Variants in TERF2IP observed in about 807,000 individuals in gnomAD.
TERF2IP encodes telomeric repeat-binding factor 2-interacting protein 1.
A neutral mutation model predicts 33.3 loss-of-function variants in TERF2IP; 35 were observed. The ratio of observed to expected loss-of-function variants is 1.05; its 90% CI spans 0.80 to 1.39. The LOEUF (loss-of-function observed/expected upper bound fraction) is 1.39, where lower values mean the gene tolerates loss of function less well. Among genes scored for constraint, TERF2IP ranks in the 40% most tolerant of loss-of-function variants. The pLI is 0.00. For synonymous variants in TERF2IP, 253 were observed against 223.2 expected (o/e 1.13, Z -1.19); for missense variants, 583 against 524.8 (o/e 1.11, Z -1.08).
chr16:75,648,447 C>G lies in TERF2IP; in HGVS notation c.565C>G (p.Arg189Gly). 2 of 1,601,426 alleles carry G rather than the reference C, an allele frequency of 1.2e-6. No individual in the cohort carries two copies. Among genetic ancestry groups the G allele is most frequent in the Non-Finnish European group, 1.7e-6 (2 of 1,174,938 alleles). ...SLKDRYLKHLRGQEHKYLLGD... is the reference protein window; with the variant it reads ...SLKDRYLKHLGGQEHKYLLGD... ...GAAGGACCGCTACCTCAAGCACCTG[C>G]GGGGCCAGGAGCATAAGTACCTGCT... Residue 189 changes from arginine (R) to glycine (G), a missense_variant, in exon 1 of 3, where the codon CGG becomes GGG. Arg to Gly is a moderately radical substitution (Grantham distance 125, BLOSUM62 -2). Transcript: ENST00000300086.
Position 75,648,038 on chromosome 16 carries a change from C to G in TERF2IP, c.156C>G (p.Thr52=). The G allele has an allele frequency of 6.2e-7, 1 of 1,609,556 alleles. No homozygotes were observed. The highest frequency in any genetic ancestry group is 8.5e-7 in the Non-Finnish European group (1 of 1,178,286). ...CGCTCATCCTGCACGGCGGCGGCAC[C>G]GTGTGCCGAGTGCAGGAGCCCGGGG... ...LSTLILHGGG[T]VCRVQEPGAV... The change falls in exon 1 of 3, where the codon ACC becomes ACG. Residue 52 remains threonine (T), a synonymous_variant. Coordinates refer to ENST00000300086, the MANE Select transcript of TERF2IP (RefSeq NM_018975.4).
At position 75,657,283 on chromosome 16, in the gene TERF2IP, A is replaced by C. The variant is rs2082394192; in HGVS notation, c.*672A>C. The C allele has an allele frequency of 6.6e-6, 1 of 152,156 alleles. No homozygotes were observed. Among genetic ancestry groups the C allele is most frequent in the Admixed American group, 6.5e-5 (1 of 15,272 alleles). 9.4% of individuals were successfully genotyped at this position (152,156 alleles called of 1,614,324 possible). Reference sequence around the variant, plus strand: ...CCTTAAAACGCGCACACAACTCTAGAGAGTGTTAAGAATAATGTTACTTGG... The same window carrying C: ...CCTTAAAACGCGCACACAACTCTAGCGAGTGTTAAGAATAATGTTACTTGG... On this transcript the variant is annotated 3_prime_UTR_variant, in exon 3 of 3. Coordinates refer to ENST00000300086, the MANE Select transcript of TERF2IP (RefSeq NM_018975.4).
chr16:75,649,697 C>G (rs74024805), intron 1 of TERF2IP, among the ~76,000 whole-genome samples: 18,305 of 152,192 alleles, frequency 0.12, 1,150 homozygotes, highest in Middle Eastern at 0.18. Flanking sequence ...GCGTACCAGA[C>G]TTACTTTAAT....
Position 75,648,062 on chromosome 16 carries a change from G to A in TERF2IP, c.180G>A (p.Gly60=). ...CCGTGTGCCGAGTGCAGGAGCCCGG[G>A]GCCGTGCTGCTGGCCCAGCCCGGGG... ...GGTVCRVQEP[G]AVLLAQPGEA... Residue 60 remains glycine (G), a synonymous_variant, in exon 1 of 3, where the codon GGG becomes GGA. Coordinates refer to ENST00000300086, the MANE Select transcript of TERF2IP (RefSeq NM_018975.4). 2 of 1,592,544 alleles carry A rather than the reference G, an allele frequency of 1.3e-6. No individual in the cohort carries two copies. The highest frequency in any genetic ancestry group is 2.3e-5 in the East Asian group (1 of 44,048).
intron 1 of TERF2IP, among the ~76,000 whole-genome samples, chr16:75,649,404 C>G (rs562720486): frequency 2.0e-5 from 3 of 152,040 alleles, no homozygotes; most frequent in African/African-American, 7.2e-5. Context: ...ATTAGCCGGC[C>G]GTGGCGGAGA....
At chr16:75,655,809 T>C (rs978666963) in intron 2 of TERF2IP, among the ~76,000 whole-genome samples, 2 of 152,178 alleles carry the variant, frequency 1.3e-5, no homozygotes, top group African/African-American at 4.8e-5. Context: ...GAGCTTACAG[T>C]CTTGAGAGTG....
chr16:75,648,559 A>C lies in TERF2IP; in HGVS notation c.670+7A>C. The C allele has an allele frequency of 6.5e-7, 1 of 1,537,880 alleles. No individual in the cohort carries two copies. Among genetic ancestry groups the C allele is most frequent in the Non-Finnish European group, 8.8e-7 (1 of 1,137,936 alleles). On this transcript the variant is annotated splice_region_variant and intron_variant, in intron 1 of 2. Transcript: ENST00000300086. ...GAGGCCGCGGATAGCGGGGGTGAGG[A>C]GGCTGAGCGCGGGGCCTCGCGGATA...
In TERF2IP at chr16:75,656,653, G is replaced by A. The variant is rs188012863; in HGVS notation, c.*42G>A. ...AAAAGAAAAAAGTCATGGTAGGTGAGGTGGTTAAAAAAAATTGTGACCAAT... is the reference window on the plus strand; with the variant it reads ...AAAAGAAAAAAGTCATGGTAGGTGAAGTGGTTAAAAAAAATTGTGACCAAT... On this transcript the variant is annotated 3_prime_UTR_variant, in exon 3 of 3. Coordinates refer to ENST00000300086, the MANE Select transcript of TERF2IP (RefSeq NM_018975.4). The A allele has an allele frequency of 3.0e-4, 460 of 1,532,864 alleles. 1 individual carries two copies. In the African/African-American group the frequency reaches 6.0e-3, roughly 20 times the overall value. The allele number at this position is 1,532,864 out of a possible 1,614,324, so 95.0% of individuals were successfully genotyped here.
chr16:75,651,573 C>T (rs2082347660), intron 1 of TERF2IP, among the ~76,000 whole-genome samples: 1 of 152,158 alleles, frequency 6.6e-6, no homozygotes, highest in African/African-American at 2.4e-5. Context: ...CCTGTAATCG[C>T]AGCTACTCAG....
Position 75,648,475 on chromosome 16 carries a change from G to A in TERF2IP, c.593G>A (p.Gly198Glu), listed in dbSNP as rs1330662867. Reference protein sequence around the residue: ...LRGQEHKYLLGDAPVSPSSQK... With the variant: ...LRGQEHKYLLEDAPVSPSSQK... ...GGCCAGGAGCATAAGTACCTGCTGG[G>A]GGACGCGCCGGTGAGCCCCTCCTCC... The change falls in exon 1 of 3, where the codon GGG (glycine) becomes GAG (glutamate). Residue 198 changes from glycine (G) to glutamate (E), a missense_variant. Gly to Glu is a moderately conservative substitution (Grantham distance 98). Coordinates refer to ENST00000300086, the MANE Select transcript of TERF2IP (RefSeq NM_018975.4). The A allele has an allele frequency of 6.3e-7, 1 of 1,594,000 alleles. No individual in the cohort carries two copies.
rs1021321207 is a variant in TERF2IP, at chr16:75,647,814, A to C, written c.-69A>C. On this transcript the variant is annotated 5_prime_UTR_variant, in exon 1 of 3. Transcript: ENST00000300086. ...GCAGAGGCGTCTGCGGTGACAGCTC[A>C]GTCAGTTGAGCTCTGTGTGCCAGGC... The C allele has an allele frequency of 3.8e-6, 6 of 1,595,582 alleles. No homozygotes were observed. In the Admixed American group the frequency reaches 6.8e-5, roughly 18 times the overall value.
intron 1 of TERF2IP, among the ~76,000 whole-genome samples, chr16:75,651,232 A>G (rs1029045895): frequency 6.6e-6 from 1 of 152,144 alleles, no homozygotes; most frequent in African/African-American, 2.4e-5. Context: ...CAATAGACTT[A>G]GTTTCTTTAA....
intron 1 of TERF2IP, among the ~76,000 whole-genome samples, chr16:75,649,218 T>A (rs1259584937): frequency 6.6e-6 from 1 of 152,160 alleles, no homozygotes; most frequent in African/African-American, 2.4e-5. Context: ...TTGACATGGT[T>A]CTATATTCAA....
At chr16:75,648,631 A>G (rs754835145) in intron 1 of TERF2IP, 79 bp downstream of exon 1, 248 of 1,446,504 alleles carry the variant, frequency 1.7e-4, no homozygotes, top group Non-Finnish European at 2.2e-4. Flanking sequence ...CCTGGCGTCC[A>G]TCTTGGCATC....
Position 75,648,335 on chromosome 16 carries a change from T to C in TERF2IP, c.453T>C (p.Asn151=), listed in dbSNP as rs374257539. 7 of 1,579,384 alleles carry C rather than the reference T, an allele frequency of 4.4e-6. No individual in the cohort carries two copies. Among genetic ancestry groups the C allele is most frequent in the Non-Finnish European group, 6.0e-6 (7 of 1,162,842 alleles). Residue 151 remains asparagine (N), a synonymous_variant, in exon 1 of 3, where the codon AAT becomes AAC. Coordinates refer to ENST00000300086, the MANE Select transcript of TERF2IP (RefSeq NM_018975.4). Reference sequence around the variant, plus strand: ...CCATCCTTACCTACGTGAAGGAAAATGCCCGCTCGCCCAGCTCCGTCACCG... The same window carrying C: ...CCATCCTTACCTACGTGAAGGAAAACGCCCGCTCGCCCAGCTCCGTCACCG... ...DVAILTYVKE[N]ARSPSSVTGN... is the part of the protein sequence containing the mutation.
chr16:75,656,952 G>C lies in TERF2IP; in HGVS notation c.*341G>C. The C allele has an allele frequency of 5.0e-6, 1 of 201,154 alleles. No homozygotes were observed. The allele number at this position is 201,154 out of a possible 1,614,324, so 12.5% of individuals were successfully genotyped here. A position where few individuals can be genotyped will look rare whatever the true frequency, so the allele number is the denominator to read the frequency against. ...TGACAAAGTGAAAGGAAATTTAGGA[G>C]GCATAGGCCATTTCAGGCAGCATAA... On this transcript the variant is annotated 3_prime_UTR_variant, in exon 3 of 3. Transcript: ENST00000300086.
intron 2 of TERF2IP, among the ~76,000 whole-genome samples, chr16:75,655,817 G>A (rs1314015627): frequency 1.3e-5 from 2 of 152,294 alleles, no homozygotes; most frequent in African/African-American, 4.8e-5. Context: ...AGTCTTGAGA[G>A]TGAAGTCAAA....
intron 1 of TERF2IP, among the ~76,000 whole-genome samples, chr16:75,653,825 A>G (rs1018302111): frequency 6.6e-6 from 1 of 152,260 alleles, no homozygotes; most frequent in South Asian, 2.1e-4. Context: ...AAACTCTTTG[A>G]TAAGTCAGCT....
At chr16:75,651,976 C>G (rs2082350824) in intron 1 of TERF2IP, among the ~76,000 whole-genome samples, 1 of 152,132 alleles carries the variant, frequency 6.6e-6, no homozygotes, top group African/African-American at 2.4e-5. Flanking sequence ...TATGGGAAAA[C>G]AAGTATACTC....
Sources: gnomAD v4.1 joint callset for allele counts (sites outside exome capture counted in the v4.1 genomes callset) on GRCh38, gnomAD v4.1.1 for gene constraint, MANE v1.5 for transcripts, NCBI Gene and HGNC (gene_info 2026-07-23, HGNC 2026-07-21) for gene names.